Variants in ELANE observed in about 807,000 individuals in gnomAD.
ELANE encodes the protein neutrophil elastase.
In ELANE, 12 loss-of-function variants were observed where a neutral mutation model predicts 20.6. That is an observed-to-expected ratio of 0.58 (90% confidence interval 0.37 to 0.94). ELANE has a LOEUF of 0.94. Ranked by LOEUF, ELANE falls within the 40% of genes least tolerant of loss-of-function variation. The pLI is 0.01. For missense variants in ELANE, 388 were observed against 395.2 expected, an observed-to-expected ratio of 0.98 and a Z score of 0.15; for synonymous variants, 203 against 177.4, an observed-to-expected ratio of 1.14 and a Z score of -1.15.
Position 856,211 on chromosome 19 carries a change from G to C in ELANE, c.*47G>C. ...CAGCTGCCCACACCCACACTCTCCA[G>C]CATCTGGCACAATAAACATTCTCTG... On this transcript the variant is annotated 3_prime_UTR_variant, in exon 5 of 5. Transcript: ENST00000263621. 6.3e-7 allele frequency: 1 copy of C among 1,592,864 alleles called. No individual in the cohort carries two copies. Among genetic ancestry groups the C allele is most frequent in the South Asian group, 1.1e-5 (1 of 90,718 alleles).
intron 2 of ELANE, 67 bp from the exon 3 acceptor site, chr19:853,195 C>T (rs1272703321): frequency 1.3e-5 from 20 of 1,517,688 alleles, no homozygotes; most frequent in Non-Finnish European, 1.7e-5. Flanking sequence ...CGGATGGGGA[C>T]GACAAGGCGC....
Position 853,394 on chromosome 19 carries a change from G to A in ELANE, c.357G>A (p.Val119=), listed in dbSNP as rs1472997068. The part of the protein sequence containing the change: ...YDPVNLLNDI[V]ILQLNGSATI... ...CCGTAAACTTGCTCAACGACATCGT[G>A]ATTCTCCAGGTGCCGCCGGGCGGGG... is the stretch of plus-strand genomic sequence containing the variant. Residue 119 remains valine, a synonymous_variant, in exon 3 of 5, where the codon GTG becomes GTA. Transcript: ENST00000263621. 6.2e-7 allele frequency: 1 copy of A among 1,608,252 alleles called. No homozygotes were observed.
rs1460032625 is a variant in ELANE, at chr19:855,162, TA to T, written c.367-401del. ...GCCACCGCACCTGGCAATTTTTTTT[TA>T]TTATTTTTGTAGACATGGGGCTTTG... On this transcript the variant is annotated intron_variant, in intron 3 of 4. Transcript: ENST00000263621. This position sits in a 1 kb window ranked among gnomAD's most constrained non-coding sequence, Gnocchi z 6.2. 2.0e-5 allele frequency among the ~76,000 whole-genome samples: 3 copies of T among 151,950 alleles called. No homozygotes were observed. Among genetic ancestry groups the T allele is most frequent in the South Asian group, 4.1e-4 (2 of 4,822 alleles).
chr19:854,409 C>G (rs1359641880), intron 3 of ELANE, among the ~76,000 whole-genome samples: 1 of 150,930 alleles, frequency 6.6e-6, no homozygotes, highest in African/African-American at 2.4e-5. Context: ...GATCACACCA[C>G]TGCACTCCAG....
At position 855,438 on chromosome 19, in the gene ELANE, G is replaced by T; in HGVS notation, c.367-126G>T. 1 of 1,061,272 alleles carries T rather than the reference G, an allele frequency of 9.4e-7. No homozygotes were observed. Among genetic ancestry groups the T allele is most frequent in the Non-Finnish European group, 1.4e-6 (1 of 715,166 alleles). 65.7% of individuals were successfully genotyped at this position (1,061,272 alleles called of 1,614,324 possible). ...CCTTGGGGAGCAGAGTGTGGGGTGG[G>T]TATCCTGCCCTGCAGGATCCCAGAA... is the stretch of plus-strand genomic sequence containing the variant. On this transcript the variant is annotated intron_variant, in intron 3 of 4. Transcript: ENST00000263621. This position sits in a 1 kb window ranked among gnomAD's most constrained non-coding sequence, Gnocchi z 6.2.
chr19:856,048 G>T lies in ELANE; in HGVS notation c.688G>T (p.Asp230Tyr). 2 of 1,613,336 alleles carry T rather than the reference G, an allele frequency of 1.2e-6. No homozygotes were observed. Among genetic ancestry groups the T allele is most frequent in the East Asian group, 2.2e-5 (1 of 44,886 alleles). Residue 230 changes from aspartate (D) to tyrosine (Y), a missense_variant, in exon 5 of 5, where the codon GAT becomes TAT. Asp to Tyr is a radical substitution (Grantham distance 160, BLOSUM62 -3). Coordinates refer to ENST00000263621, the MANE Select transcript of ELANE (RefSeq NM_001972.4). ...RGGCASGLYP[D>Y]AFAPVAQFVN... ...AGGCTGCGCCTCAGGGCTCTACCCC[G>T]ATGCCTTTGCCCCGGTGGCACAGTT...
rs201163886 is a variant in ELANE, at chr19:852,908, C to T, written c.100C>T (p.Arg34Trp). 1.1e-5 allele frequency: 18 copies of T among 1,596,206 alleles called. No individual in the cohort carries two copies. In the East Asian group the frequency reaches 2.7e-4, roughly 24 times the overall value. Reference sequence around the variant, plus strand: ...GCTGGCCTCGGAGATTGTGGGGGGCCGGCGAGCGCGGCCCCACGCGTGGCC... The same window carrying T: ...GCTGGCCTCGGAGATTGTGGGGGGCTGGCGAGCGCGGCCCCACGCGTGGCC... ...TALASEIVGG[R>W]RARPHAWPFM... The change falls in exon 2 of 5, where the codon CGG (arginine) becomes TGG (tryptophan). Residue 34 changes from arginine (R) to tryptophan (W), a missense_variant. Transcript: ENST00000263621.
Position 856,022 on chromosome 19 carries a change from G to T in ELANE, c.662G>T (p.Gly221Val), listed in dbSNP as rs756112245. The T allele has an allele frequency of 5.0e-6, 8 of 1,613,422 alleles. No individual in the cohort carries two copies. Among genetic ancestry groups the T allele is most frequent in the Non-Finnish European group, 6.8e-6 (8 of 1,180,050 alleles). ...LIHGIASFVR[G>V]GCASGLYPDA... Reference sequence around the variant, plus strand: ...CACGGAATTGCCTCCTTCGTCCGGGGAGGCTGCGCCTCAGGGCTCTACCCC... The same window carrying T: ...CACGGAATTGCCTCCTTCGTCCGGGTAGGCTGCGCCTCAGGGCTCTACCCC... The change falls in exon 5 of 5, where the codon GGA becomes GTA. Residue 221 changes from glycine (G) to valine (V), a missense_variant. Gly to Val is a moderately radical substitution (Grantham distance 109). Transcript: ENST00000263621.
At chr19:853,160 G>A in intron 2 of ELANE, 102 bp from the exon 3 acceptor site, 1 of 1,473,658 alleles carries the variant, frequency 6.8e-7, no homozygotes, top group Non-Finnish European at 9.0e-7. Context: ...GGCCCCTCGA[G>A]CACCTTCGCC....
intron 1 of ELANE, 32 bp from the exon 2 acceptor site, chr19:852,844 G>T: frequency 6.3e-7 from 1 of 1,588,662 alleles, no homozygotes; most frequent in Non-Finnish European, 8.5e-7. Context: ...TCCTTGGCAG[G>T]CACTCAGCAC....
rs201956844 is a variant in ELANE at position 853,435 on chromosome 19, C to T, written c.366+32C>T. ...CCGGGCGGGGCGGGGGGCGCAGGGGCGGAGGCCAGAGGCCTGGGGAGGGTG... is the reference window on the plus strand; with the variant it reads ...CCGGGCGGGGCGGGGGGCGCAGGGGTGGAGGCCAGAGGCCTGGGGAGGGTG... On this transcript the variant is annotated intron_variant, in intron 3 of 4. Coordinates refer to ENST00000263621, the MANE Select transcript of ELANE (RefSeq NM_001972.4). The T allele has an allele frequency of 2.3e-3, 3,427 of 1,498,014 alleles. 3 individuals carry two copies. The highest frequency in any genetic ancestry group is 2.8e-3 in the Non-Finnish European group (3,064 of 1,099,758). The allele number at this position is 1,498,014 out of a possible 1,614,324, so 92.8% of individuals were successfully genotyped here.
In ELANE at chr19:855,745, G is replaced by A. The variant is rs1288473812; in HGVS notation, c.548G>A (p.Arg183His). 3.1e-6 allele frequency: 5 copies of A among 1,609,376 alleles called. No individual in the cohort carries two copies. The highest frequency in any genetic ancestry group is 1.7e-5 in the Admixed American group (1 of 60,000). ...ACGGTGGTGACGTCCCTCTGCCGTC[G>A]CAGCAACGTCTGCACTCTCGTGAGG... is the stretch of plus-strand genomic sequence containing the variant. ...NVTVVTSLCR[R>H]SNVCTLVRGR... Residue 183 changes from arginine (R) to histidine (H), a missense_variant, in exon 4 of 5, where the codon CGC becomes CAC. Physicochemically the swap from Arg to His is conservative, Grantham distance 29. This residue lies in a region of ELANE where 321 missense variants were observed against 309.8 expected (regional missense o/e 1.04). Coordinates refer to ENST00000263621, the MANE Select transcript of ELANE (RefSeq NM_001972.4). The surrounding 1 kb of genome is among the most constrained non-coding windows in gnomAD (Gnocchi z 6.2).
At position 855,956 on chromosome 19, in the gene ELANE, A is replaced by C. The variant is rs1364734771; in HGVS notation, c.598-2A>C. On this transcript the variant is annotated splice_acceptor_variant, in intron 4 of 4. Transcript: ENST00000263621. LOFTEE classifies it high-confidence loss of function. This position sits in a 1 kb window ranked among gnomAD's most constrained non-coding sequence, Gnocchi z 6.2. ...GCTTCCCCACCTTGTCTGCCTCCAC[A>C]GGGGGACTCCGGCAGCCCCTTGGTC... 1.2e-6 allele frequency: 2 copies of C among 1,613,032 alleles called. No homozygotes were observed. Among genetic ancestry groups the C allele is most frequent in the Non-Finnish European group, 1.7e-6 (2 of 1,180,030 alleles).
chr19:852,478 G>A, intron 1 of ELANE, 83 bp downstream of exon 1: 2 of 1,521,658 alleles, frequency 1.3e-6, no homozygotes, highest in Non-Finnish European at 1.8e-6. Flanking sequence ...CCACCAGTGT[G>A]GGTCCCTCAT....
In ELANE at chr19:855,836, G is replaced by A. The variant is rs763834507; in HGVS notation, c.597+42G>A. On this transcript the variant is annotated intron_variant, in intron 4 of 4. Coordinates refer to ENST00000263621, the MANE Select transcript of ELANE (RefSeq NM_001972.4). The surrounding 1 kb of genome is among the most constrained non-coding windows in gnomAD (Gnocchi z 6.2). ...TCCCTCTGCTCCCCACCCGCTCCCA[G>A]CCCGGACTGCAGCAACAGGCACCGT... The A allele has an allele frequency of 6.2e-7, 1 of 1,605,532 alleles. No individual in the cohort carries two copies. The highest frequency in any genetic ancestry group is 8.5e-7 in the Non-Finnish European group (1 of 1,178,810).
chr19:856,193 C>G lies in ELANE; in HGVS notation c.*29C>G, dbSNP rs752559979. 1 of 1,606,690 alleles carries G rather than the reference C, an allele frequency of 6.2e-7. No individual in the cohort carries two copies. The highest frequency in any genetic ancestry group is 1.1e-5 in the South Asian group (1 of 90,988). ...GGGCTGCCCGGGTCACCTCAGCTGC[C>G]CACACCCACACTCTCCAGCATCTGG... is the stretch of plus-strand genomic sequence containing the variant. On this transcript the variant is annotated 3_prime_UTR_variant, in exon 5 of 5. Transcript: ENST00000263621.
At chr19:853,575 C>A (rs1219241485) in intron 3 of ELANE, among the ~76,000 whole-genome samples, 172 bp downstream of exon 3, 1 of 152,218 alleles carries the variant, frequency 6.6e-6, no homozygotes, top group Non-Finnish European at 1.5e-5. Flanking sequence ...CGGGAAAATA[C>A]CCGCCATGGG....
Position 855,676 on chromosome 19 carries a change from G to A in ELANE, c.479G>A (p.Gly160Asp). 6.2e-7 allele frequency: 1 copy of A among 1,608,894 alleles called. No homozygotes were observed. The highest frequency in any genetic ancestry group is 8.5e-7 in the Non-Finnish European group (1 of 1,179,926). ...QCLAMGWGLLGRNRGIASVLQ... is the reference protein window; with the variant it reads ...QCLAMGWGLLDRNRGIASVLQ... Reference sequence around the variant, plus strand: ...CTGGCCATGGGCTGGGGCCTTCTGGGCAGGAACCGTGGGATCGCCAGCGTC... The same window carrying A: ...CTGGCCATGGGCTGGGGCCTTCTGGACAGGAACCGTGGGATCGCCAGCGTC... The change falls in exon 4 of 5, where the codon GGC becomes GAC. Residue 160 changes from glycine (G) to aspartate (D), a missense_variant. Coordinates refer to ENST00000263621, the MANE Select transcript of ELANE (RefSeq NM_001972.4). The surrounding 1 kb of genome is among the most constrained non-coding windows in gnomAD (Gnocchi z 6.2).
In ELANE at chr19:853,012, CG is replaced by C. The variant is rs1195157089; in HGVS notation, c.205del (p.Ala69ArgfsTer7). The C allele has an allele frequency of 3.8e-6, 6 of 1,569,194 alleles. No homozygotes were observed. On this transcript the variant is annotated frameshift_variant, in exon 2 of 5. Coordinates refer to ENST00000263621, the MANE Select transcript of ELANE (RefSeq NM_001972.4). LOFTEE classifies it high-confidence loss of function. ...TTGCGCCCAACTTCGTCATGTCGGC[CG>C]CGCACTGCGTGGCGAATGTGTGAGT... ...LIAPNFVMSAAHCVANVNVRA... is the reference protein window; with the variant it reads ...LIAPNFVMSAXHCVANVNVRA...
Sources: allele counts gnomAD v4.1 joint callset (sites outside exome capture counted in the v4.1 genomes callset), GRCh38; gene constraint gnomAD v4.1.1; regional missense constraint gnomAD v4.1.1; non-coding constraint Gnocchi (gnomAD v3.1); transcripts MANE v1.5; gene names NCBI Gene and HGNC (gene_info 2026-07-23, HGNC 2026-07-21).